The following SAMD12 variants were observed in gnomAD, a reference collection of about 807,000 sequenced individuals.
The protein encoded by SAMD12 is sterile alpha motif domain-containing protein 12.
SAMD12 carries 9 observed loss-of-function variants against 15.0 expected under a neutral mutation model. The ratio of observed to expected loss-of-function variants is 0.60; its 90% confidence interval spans 0.36 to 1.05. SAMD12 has a LOEUF of 1.05. Among genes scored for constraint, SAMD12 ranks in the 50% least tolerant of loss-of-function variants. The pLI is 0.01. For missense variants in SAMD12, 230 were observed against 234.2 expected (o/e 0.98, Z 0.12); for synonymous variants, 86 against 90.1 (o/e 0.96, Z 0.25).
At chr8:118,564,662 G>C (rs773310895) in intron 2 of SAMD12, among the ~76,000 whole-genome samples, 4 of 152,180 alleles carry the variant, frequency 2.6e-5, no homozygotes, top group Non-Finnish European at 4.4e-5. Context: ...TGCCTATGAA[G>C]TGCTTACAGC....
chr8:118,600,470 T>G (rs1396354589), intron 1 of SAMD12, among the ~76,000 whole-genome samples: 1 of 152,168 alleles, frequency 6.6e-6, no homozygotes, highest in African/African-American at 2.4e-5. Flanking sequence ...GACCATTTTA[T>G]TGGTGATGAT....
intron 2 of SAMD12, among the ~76,000 whole-genome samples, chr8:118,477,070 C>CT (rs56341509): frequency 2.3e-4 from 33 of 142,886 alleles, no homozygotes; most frequent in South Asian, 6.9e-4. Flanking sequence ...CTTTCTTTTT[C>CT]TTTTTTTTTT....
chr8:118,367,005 C>T (rs1158673219), intron 4 of SAMD12, among the ~76,000 whole-genome samples: 1 of 151,884 alleles, frequency 6.6e-6, no homozygotes, highest in Non-Finnish European at 1.5e-5. Context: ...TTGTCTGGGG[C>T]TCAAGACTGG....
the SAMD12 span, among the ~76,000 whole-genome samples, chr8:118,182,140 AC>A: frequency 6.6e-6 from 1 of 152,280 alleles, no homozygotes; most frequent in Admixed American, 6.5e-5. Context: ...CTACTGCTTC[AC>A]TTGGGGTTCC....
At chr8:118,607,322 G>A (rs548215441) in intron 1 of SAMD12, among the ~76,000 whole-genome samples, 73 of 151,804 alleles carry the variant, frequency 4.8e-4, no homozygotes, top group African/African-American at 1.7e-3. Flanking sequence ...TGCAACCTCC[G>A]CCTCCCGGGT....
chr8:118,199,275 T>G (rs1819647142), intron 4 of SAMD12, among the ~76,000 whole-genome samples: 1 of 152,222 alleles, frequency 6.6e-6, no homozygotes, highest in Non-Finnish European at 1.5e-5. Context: ...TTGTTTTCAC[T>G]CACTAATACT....
At chr8:118,383,523 C>T (rs185196011) in intron 3 of SAMD12, among the ~76,000 whole-genome samples, 103 of 152,184 alleles carry the variant, frequency 6.8e-4, no homozygotes, top group Middle Eastern at 3.4e-3. Context: ...ACAGGAGCAC[C>T]GTCCCAGCGT....
At chr8:118,299,405 C>G (rs11562780) in intron 4 of SAMD12, among the ~76,000 whole-genome samples, 5 of 152,172 alleles carry the variant, frequency 3.3e-5, no homozygotes, top group Admixed American at 2.0e-4. Flanking sequence ...TCTCTGCTCT[C>G]AACAACATAT....
chr8:118,282,078 G>A (rs1326638616), intron 4 of SAMD12: 1 of 346,252 alleles, frequency 2.9e-6, no homozygotes, highest in Non-Finnish European at 5.7e-6. Context: ...GACACTGGAT[G>A]GTAATAACTT....
chr8:118,328,778 C>T (rs1270290629), intron 4 of SAMD12, among the ~76,000 whole-genome samples: 1 of 152,162 alleles, frequency 6.6e-6, no homozygotes, highest in Non-Finnish European at 1.5e-5. Flanking sequence ...GGTATGCACA[C>T]AGTGCTGCTT....
downstream of SAMD12, among the ~76,000 whole-genome samples, chr8:118,375,188 A>C (rs189052016): frequency 6.6e-6 from 1 of 152,290 alleles, no homozygotes; most frequent in East Asian, 1.9e-4. Context: ...AATCTCATTT[A>C]ACAACCACCT....
chr8:118,495,953 C>A (rs901959817), intron 2 of SAMD12, among the ~76,000 whole-genome samples: 1 of 151,906 alleles, frequency 6.6e-6, no homozygotes, highest in Admixed American at 6.6e-5. Flanking sequence ...GATCGCAATC[C>A]CACTCACAAC....
chr8:118,296,173 G>A lies in SAMD12; in HGVS notation c.433+83387C>T, dbSNP rs548247825. Among the ~76,000 whole-genome samples the A allele has an allele frequency of 3.9e-5, 6 of 152,270 alleles. No individual in the cohort carries two copies. In the East Asian group the frequency reaches 1.2e-3, roughly 29 times the overall value. On this transcript the variant is annotated intron_variant, in intron 4 of 4. Transcript: ENST00000409003. Reference sequence around the variant, plus strand: ...AAAGCATAACCATGCCCACATCACTGGTAAGAAGACTGAAGGCCAGTGGGA... The same window carrying A: ...AAAGCATAACCATGCCCACATCACTAGTAAGAAGACTGAAGGCCAGTGGGA...
chr8:118,264,524 C>T (rs550576109), intron 4 of SAMD12, among the ~76,000 whole-genome samples: 5 of 152,198 alleles, frequency 3.3e-5, no homozygotes, highest in Non-Finnish European at 7.4e-5. Flanking sequence ...CTGGGAAAAC[C>T]ACTAGAGGGA....
At chr8:118,191,550 T>G (rs1819372112) in exon 5 of SAMD12, 2 of 151,112 alleles carry the variant, frequency 1.3e-5, no homozygotes, top group Non-Finnish European at 2.9e-5. Flanking sequence ...CCGAAGGCCT[T>G]TTTGATGTGA....
At chr8:118,530,270 G>A (rs147334500) in intron 2 of SAMD12, among the ~76,000 whole-genome samples, 2 of 152,270 alleles carry the variant, frequency 1.3e-5, no homozygotes, top group Non-Finnish European at 1.5e-5. Context: ...TGTTCCATGA[G>A]TAGACTGTGT....
intron 4 of SAMD12, among the ~76,000 whole-genome samples, chr8:118,331,603 G>C (rs117531491): frequency 5.9e-5 from 9 of 152,326 alleles, no homozygotes; most frequent in Non-Finnish European, 1.3e-4. Flanking sequence ...TTTTCAGCCA[G>C]GGAAGGGCTC....
chr8:118,164,814 T>A, the SAMD12 span, among the ~76,000 whole-genome samples: 9 of 151,122 alleles, frequency 6.0e-5, no homozygotes, highest in Non-Finnish European at 1.0e-4. Flanking sequence ...TCTCTCTGTA[T>A]ATATATATAT....
At chr8:118,243,506 GA>G (rs1330017456) in intron 4 of SAMD12, among the ~76,000 whole-genome samples, 2 of 151,996 alleles carry the variant, frequency 1.3e-5, no homozygotes, top group Admixed American at 6.6e-5. Context: ...ATATACACTT[GA>G]AAGATCAAAG....
Sources: allele counts gnomAD v4.1 joint callset (sites outside exome capture counted in the v4.1 genomes callset), GRCh38; gene constraint gnomAD v4.1.1; transcripts MANE v1.5; gene names NCBI Gene and HGNC (gene_info 2026-07-23, HGNC 2026-07-21).